The following TBC1D2B variants were observed in gnomAD, a reference collection of about 807,000 sequenced individuals.
TBC1D2B encodes TBC1 domain family, member 2B.
Under a neutral mutation model 100.8 loss-of-function variants are expected in TBC1D2B, and 64 were observed. That is an observed-to-expected ratio of 0.64 (90% CI 0.52 to 0.78). The LOEUF (loss-of-function observed/expected upper bound fraction) is 0.78, where lower values mean the gene tolerates loss of function less well. Among genes scored for constraint, TBC1D2B ranks in the 30% least tolerant of loss-of-function variants. The pLI, the probability that TBC1D2B is intolerant of heterozygous loss-of-function variation, is 0.00. For missense variants in TBC1D2B, 1,052 were observed against 1,218.4 expected (o/e 0.86, Z 2.03); for synonymous variants, 480 against 479.7 (o/e 1.00, Z -0.01).
At chr15:78,038,024 T>C (rs905403288) in intron 3 of TBC1D2B, among the ~76,000 whole-genome samples, 5 of 151,778 alleles carry the variant, frequency 3.3e-5, no homozygotes, top group African/African-American at 1.2e-4. Context: ...CAAGGGCAGG[T>C]GGGTGTGGGC....
At chr15:78,004,887 T>C (rs1274158859) in intron 10 of TBC1D2B, among the ~76,000 whole-genome samples, 1 of 152,214 alleles carries the variant, frequency 6.6e-6, no homozygotes, top group Non-Finnish European at 1.5e-5. Context: ...AGTGGACCCA[T>C]GCAGTTCAAA....
chr15:78,017,834 T>C lies in TBC1D2B; in HGVS notation c.1581+13A>G. 11 of 1,572,856 alleles carry C rather than the reference T, an allele frequency of 7.0e-6. No individual in the cohort carries two copies. Among genetic ancestry groups the C allele is most frequent in the Non-Finnish European group, 8.7e-6 (10 of 1,147,664 alleles). On this transcript the variant is annotated intron_variant, in intron 7 of 12. Transcript: ENST00000300584. ...CTCCCACCAGGTAATAGAATCCACC[T>C]ATCCTGACCCACCTTTGCCATCAGA... is the stretch of plus-strand genomic sequence containing the variant.
chr15:78,020,374 C>T (rs931453813), intron 6 of TBC1D2B, among the ~76,000 whole-genome samples: 1 of 152,154 alleles, frequency 6.6e-6, no homozygotes, highest in African/African-American at 2.4e-5. Context: ...ACTTGTGTTA[C>T]AGTCTAAGTA....
chr15:78,008,114 C>T (rs2072118044), intron 10 of TBC1D2B, among the ~76,000 whole-genome samples: 3 of 152,208 alleles, frequency 2.0e-5, no homozygotes, highest in Admixed American at 6.5e-5. Flanking sequence ...TGCGAAGGGC[C>T]GGCTTACGGG....
intron 12 of TBC1D2B, chr15:77,998,881 G>T: frequency 5.8e-6 from 1 of 171,504 alleles, no homozygotes; most frequent in South Asian, 1.4e-4. Flanking sequence ...TTGGCAATGT[G>T]ACAAGTGTCC....
At chr15:78,034,831 G>T in intron 3 of TBC1D2B, 3 of 696,408 alleles carry the variant, frequency 4.3e-6, no homozygotes, top group Non-Finnish European at 5.3e-6. Context: ...CTCTTATGTG[G>T]CAAAACCCAA....
chr15:77,999,665 C>T (rs2071859492), intron 12 of TBC1D2B, among the ~76,000 whole-genome samples: 1 of 152,196 alleles, frequency 6.6e-6, no homozygotes, highest in Admixed American at 6.5e-5. Flanking sequence ...TGTCAGCTCA[C>T]AGCCCCCACA....
At position 78,024,462 on chromosome 15, in the gene TBC1D2B, C is replaced by G; in HGVS notation, c.1164G>C (p.Glu388Asp). 6.2e-7 allele frequency: 1 copy of G among 1,614,022 alleles called. No homozygotes were observed. Among genetic ancestry groups the G allele is most frequent in the Admixed American group, 1.7e-5 (1 of 60,028 alleles). The stretch of plus-strand genomic sequence containing the variant: ...GCTCGAGCGTGTCCTTTGGGACCCC[C>G]TCACAGAGCCGGCTGCTTGTGAAAT... ...DKYFTSSRLC[E>D]GVPKDTLELL... Residue 388 changes from glutamate (E) to aspartate (D), a missense_variant, in exon 6 of 13, where the codon GAG (glutamate) becomes GAC (aspartate). This residue lies in a region of TBC1D2B where 627 missense variants were observed against 646.1 expected (regional missense o/e 0.97). Transcript: ENST00000300584.
rs1471847156 is a variant in TBC1D2B, at chr15:77,995,568, T to C, written c.*2592A>G. ...ATAATAACTTGTTATATAAAATAGA[T>C]ATGTGGAATCTAGAAACACCTTGAG... On this transcript the variant is annotated 3_prime_UTR_variant, in exon 13 of 13. Transcript: ENST00000300584. 1.3e-5 allele frequency: 2 copies of C among 152,246 alleles called. No individual in the cohort carries two copies. Among genetic ancestry groups the C allele is most frequent in the East Asian group, 3.9e-4 (2 of 5,120 alleles). The allele number at this position is 152,246 out of a possible 1,614,324, so 9.4% of individuals were successfully genotyped here. A position where few individuals can be genotyped will look rare whatever the true frequency, so the allele number is the denominator to read the frequency against.
chr15:78,060,745 C>T (rs2073526486), intron 1 of TBC1D2B, among the ~76,000 whole-genome samples: 1 of 151,852 alleles, frequency 6.6e-6, no homozygotes, highest in Admixed American at 6.6e-5. Flanking sequence ...GGTGAAACCT[C>T]GTCTCTATTA....
Position 78,016,704 on chromosome 15 carries a change from T to G in TBC1D2B, c.1617A>C (p.Glu539Asp). The change falls in exon 8 of 13, where the codon GAA becomes GAC. Residue 539 changes from glutamate (E) to aspartate (D), a missense_variant. Physicochemically the swap from Glu to Asp is conservative, Grantham distance 45. This residue lies in a region of TBC1D2B where 373 missense variants were observed against 464.9 expected (regional missense o/e 0.80). Transcript: ENST00000300584. ...SSLEAKLCQI[E>D]SKYLILLQEM... ...CTTGGAGCAATATCAGGTATTTACT[T>G]TCTATCTGGCAGAGCTTGGCTTCCA... 1 of 1,585,152 alleles carries G rather than the reference T, an allele frequency of 6.3e-7. No individual in the cohort carries two copies. The highest frequency in any genetic ancestry group is 8.6e-7 in the Non-Finnish European group (1 of 1,166,832).
chr15:78,066,343 T>C (rs1386300195), intron 1 of TBC1D2B, among the ~76,000 whole-genome samples: 1 of 152,224 alleles, frequency 6.6e-6, no homozygotes, highest in Non-Finnish European at 1.5e-5. Flanking sequence ...TAGTTATTTC[T>C]AGTCCACTTA....
chr15:78,013,723 A>G (rs78984635), intron 8 of TBC1D2B, among the ~76,000 whole-genome samples: 4,596 of 140,096 alleles, frequency 0.033, 255 homozygotes, highest in African/African-American at 0.11. Flanking sequence ...TATCATTTTA[A>G]AAGATTAAAA....
At chr15:78,008,754 C>A (rs529227537) in intron 10 of TBC1D2B, among the ~76,000 whole-genome samples, 1 of 152,212 alleles carries the variant, frequency 6.6e-6, no homozygotes, top group Non-Finnish European at 1.5e-5. Context: ...CAATGTTAGG[C>A]CTGCAGGACG....
At chr15:78,003,674 G>T in intron 10 of TBC1D2B, 184 bp from the exon 11 acceptor site, 1 of 563,944 alleles carries the variant, frequency 1.8e-6, no homozygotes, top group Non-Finnish European at 3.2e-6. Flanking sequence ...CTGACCTCGT[G>T]CACTGCAGGT....
intron 3 of TBC1D2B, among the ~76,000 whole-genome samples, chr15:78,035,358 C>A (rs535727225): frequency 1.1e-4 from 17 of 152,340 alleles, no homozygotes; most frequent in African/African-American, 4.1e-4. Context: ...TACAAGTTGA[C>A]AGAATTGTTG....
intron 12 of TBC1D2B, among the ~76,000 whole-genome samples, chr15:78,000,654 C>G (rs1311777839): frequency 6.6e-6 from 1 of 152,256 alleles, no homozygotes; most frequent in Non-Finnish European, 1.5e-5. Context: ...CTGGCATGGC[C>G]TCAGCCAGCA....
At chr15:78,005,057 G>GACGTCCAA (rs1366479752) in intron 10 of TBC1D2B, among the ~76,000 whole-genome samples, 3 of 152,240 alleles carry the variant, frequency 2.0e-5, no homozygotes, top group African/African-American at 7.2e-5. Flanking sequence ...TCCAGCTGCA[G>GACGTCCAA]ACGTCCAAGA....
Position 78,037,137 on chromosome 15 carries a change from C to A in TBC1D2B, c.684-6967G>T, listed in dbSNP as rs1837911. ...TCAGACAGGTACAGCTCCACAGGTTCCCTACTGTCCAAAGGGCAGACACCC... is the reference window on the plus strand; with the variant it reads ...TCAGACAGGTACAGCTCCACAGGTTACCTACTGTCCAAAGGGCAGACACCC... On this transcript the variant is annotated intron_variant, in intron 3 of 12. Transcript: ENST00000300584. Among the ~76,000 whole-genome samples the A allele has an allele frequency of 3.3e-5, 5 of 152,114 alleles. 1 individual carries two copies. In the South Asian group the frequency reaches 1.0e-3, roughly 32 times the overall value.
Sources: gnomAD v4.1 joint callset for allele counts (sites outside exome capture counted in the v4.1 genomes callset) on GRCh38, gnomAD v4.1.1 for gene constraint, gnomAD v4.1.1 regional missense constraint, MANE v1.5 for transcripts, NCBI Gene and HGNC (gene_info 2026-07-23, HGNC 2026-07-21) for gene names.